Variants in DPYS observed in about 807,000 individuals in gnomAD.
DPYS encodes dihydropyrimidine amidohydrolase.
Under a neutral mutation model 50.3 loss-of-function variants are expected in DPYS, and 39 were observed. That is an observed-to-expected ratio of 0.78 (90% CI 0.60 to 1.01). The LOEUF (loss-of-function observed/expected upper bound fraction) is 1.01, where lower values mean the gene tolerates loss of function less well. Among genes scored for constraint, DPYS ranks in the 50% least tolerant of loss-of-function variants. The pLI, the probability that DPYS is intolerant of heterozygous loss-of-function variation, is 0.00. For synonymous variants in DPYS, 245 were observed against 250.7 expected, an observed-to-expected ratio of 0.98 and a Z score of 0.22; for missense variants, 659 against 680.9, an observed-to-expected ratio of 0.97 and a Z score of 0.36.
At chr8:104,387,677 A>G (rs758006094) in intron 8 of DPYS, among the ~76,000 whole-genome samples, 9 of 152,210 alleles carry the variant, frequency 5.9e-5, no homozygotes, top group Non-Finnish European at 1.2e-4. Flanking sequence ...AAATAGGAAT[A>G]TCACTACTTA....
chr8:104,445,686 C>CAA (rs935349731), intron 3 of DPYS, among the ~76,000 whole-genome samples: 2 of 149,190 alleles, frequency 1.3e-5, no homozygotes, highest in African/African-American at 2.5e-5. Flanking sequence ...GTGTGTAAAA[C>CAA]AAAAAAAAAG....
Position 104,424,323 on chromosome 8 carries a change from T to G in DPYS, c.1159A>C (p.Asn387His), listed in dbSNP as rs750724321. The part of the protein sequence containing the change: ...VTSTNAAKIF[N>H]LYPRKGRIAV... ...ATTCTTCCTTTTCTTGGATAGAGAT[T>G]AAAAATTTTGGCTGCATTTGTGCTG... Residue 387 changes from asparagine to histidine, a missense_variant, in exon 7 of 10, where the codon AAT (asparagine) becomes CAT (histidine). Physicochemically the swap from Asn to His is moderately conservative, Grantham distance 68. Coordinates refer to ENST00000351513, the MANE Select transcript of DPYS (RefSeq NM_001385.3). 1.5e-5 allele frequency: 24 copies of G among 1,614,010 alleles called. No homozygotes were observed. Among genetic ancestry groups the G allele is most frequent in the Non-Finnish European group, 1.9e-5 (22 of 1,180,008 alleles).
intron 8 of DPYS, among the ~76,000 whole-genome samples, chr8:104,391,769 AT>A (rs1431068974): frequency 6.6e-6 from 1 of 151,836 alleles, no homozygotes; most frequent in Non-Finnish European, 1.5e-5. Flanking sequence ...CTGGCTAATT[AT>A]TTTTTATTTT....
chr8:104,397,768 G>T (rs1811642160), intron 7 of DPYS, among the ~76,000 whole-genome samples: 1 of 152,122 alleles, frequency 6.6e-6, no homozygotes, highest in South Asian at 2.1e-4. Context: ...CTTGCCCAAG[G>T]TTCACATAGT....
chr8:104,394,173 G>A lies in DPYS; in HGVS notation c.1236-1182C>T, dbSNP rs138999506. Among the ~76,000 whole-genome samples the A allele has an allele frequency of 5.4e-4, 82 of 152,232 alleles. 1 individual carries two copies. The highest frequency in any genetic ancestry group is 4.4e-3 in the East Asian group (23 of 5,174). ...TAAAGAGATAAATTTTTTAAAAATC[G>A]TCAAGGCTGAGTGAGTCTAAGGAGG... On this transcript the variant is annotated intron_variant, in intron 7 of 9. Transcript: ENST00000351513.
chr8:104,424,316 T>C lies in DPYS; in HGVS notation c.1166A>G (p.Tyr389Cys). The C allele has an allele frequency of 1.2e-6, 2 of 1,614,130 alleles. No individual in the cohort carries two copies. The highest frequency in any genetic ancestry group is 1.7e-6 in the Non-Finnish European group (2 of 1,180,008). ...TACAGCTATTCTTCCTTTTCTTGGA[T>C]AGAGATTAAAAATTTTGGCTGCATT... ...STNAAKIFNL[Y>C]PRKGRIAVGS... The change falls in exon 7 of 10, where the codon TAT (tyrosine) becomes TGT (cysteine). Residue 389 changes from tyrosine to cysteine, a missense_variant. By Grantham distance (194) the Tyr-to-Cys change is radical. Coordinates refer to ENST00000351513, the MANE Select transcript of DPYS (RefSeq NM_001385.3).
At chr8:104,392,134 A>T (rs1319727053) in intron 8 of DPYS, among the ~76,000 whole-genome samples, 1 of 152,162 alleles carries the variant, frequency 6.6e-6, no homozygotes, top group Non-Finnish European at 1.5e-5. Flanking sequence ...GACCTTGCAG[A>T]TCTTCAACTA....
intron 7 of DPYS, chr8:104,421,258 A>G (rs1812530785): frequency 6.6e-6 from 1 of 152,226 alleles, no homozygotes; most frequent in Non-Finnish European, 1.5e-5. Flanking sequence ...TTAATTTTCT[A>G]TTATCATTAT....
At chr8:104,461,760 C>T (rs1375607049) in intron 1 of DPYS, among the ~76,000 whole-genome samples, 1 of 152,032 alleles carries the variant, frequency 6.6e-6, no homozygotes, top group Non-Finnish European at 1.5e-5. Flanking sequence ...AGGCCTGATG[C>T]TTAAGGAATA....
At chr8:104,436,561 G>T (rs1050032678) in intron 4 of DPYS, among the ~76,000 whole-genome samples, 1 of 152,142 alleles carries the variant, frequency 6.6e-6, no homozygotes, top group Non-Finnish European at 1.5e-5. Context: ...AGTGAGCCGA[G>T]ATTGTGCCAG....
intron 7 of DPYS, chr8:104,420,701 A>C (rs1415572066): frequency 1.6e-5 from 1 of 63,064 alleles, no homozygotes; most frequent in African/African-American, 6.0e-5. Context: ...TCCACTTTTC[A>C]AAAAAAAAAA....
intron 2 of DPYS, among the ~76,000 whole-genome samples, chr8:104,449,896 T>C (rs1205370786): frequency 2.0e-5 from 3 of 152,194 alleles, no homozygotes; most frequent in Non-Finnish European, 4.4e-5. Flanking sequence ...AAATGTCTGT[T>C]GTTTAAGCCA....
chr8:104,444,138 G>C (rs1813448062), intron 4 of DPYS, 110 bp downstream of exon 4: 2 of 1,200,106 alleles, frequency 1.7e-6, no homozygotes, highest in Non-Finnish European at 2.4e-6. Context: ...AGGAAGAAAA[G>C]TAGTGGAAAT....
Position 104,381,225 on chromosome 8 carries a change from T to C in DPYS, c.1533A>G (p.Ala511=), listed in dbSNP as rs1326909578. The C allele has an allele frequency of 6.2e-7, 1 of 1,614,152 alleles. No homozygotes were observed. Among genetic ancestry groups the C allele is most frequent in the Admixed American group, 1.7e-5 (1 of 60,024 alleles). The change falls in exon 9 of 10, where the codon GCA becomes GCG. Residue 511 remains alanine (A), a synonymous_variant. Transcript: ENST00000351513. ...AGGGGTGGGCCTGTTTCCTGGTCCC[T>C]GCTGTGGCATCTTCTTTTGTCACTC... ...KSRVTKEDAT[A]GTRKQAHP
intron 7 of DPYS, among the ~76,000 whole-genome samples, chr8:104,400,052 T>A (rs1004946770): frequency 1.3e-5 from 2 of 152,060 alleles, no homozygotes; most frequent in Admixed American, 1.3e-4. Flanking sequence ...GGAGGGTACA[T>A]CCCTGAGCTC....
chr8:104,431,474 A>C (rs1442862841), intron 4 of DPYS, among the ~76,000 whole-genome samples: 3 of 151,512 alleles, frequency 2.0e-5, no homozygotes, highest in Non-Finnish European at 4.4e-5. Flanking sequence ...TTAAAAAGTA[A>C]AAATTCCTAA....
At chr8:104,464,348 A>C (rs1249957013) in intron 1 of DPYS, among the ~76,000 whole-genome samples, 1 of 152,244 alleles carries the variant, frequency 6.6e-6, no homozygotes, top group Non-Finnish European at 1.5e-5. Flanking sequence ...ACCTTGGGGC[A>C]CGCAAAGATA....
At chr8:104,423,537 T>C (rs1370437532) in intron 7 of DPYS, among the ~76,000 whole-genome samples, 1 of 152,140 alleles carries the variant, frequency 6.6e-6, no homozygotes, top group East Asian at 1.9e-4. Flanking sequence ...GAGGCAGAAG[T>C]CCACGCAAGT....
At chr8:104,436,245 G>A (rs1333563026) in intron 4 of DPYS, among the ~76,000 whole-genome samples, 1 of 152,106 alleles carries the variant, frequency 6.6e-6, no homozygotes, top group East Asian at 1.9e-4. Flanking sequence ...GGACAGCCAA[G>A]GATCACCAGA....
Sources: gnomAD v4.1 joint callset for allele counts (sites outside exome capture counted in the v4.1 genomes callset) on GRCh38, gnomAD v4.1.1 for gene constraint, MANE v1.5 for transcripts, NCBI Gene and HGNC (gene_info 2026-07-23, HGNC 2026-07-21) for gene names.